Variants in CMIP observed in about 807,000 individuals in gnomAD.
CMIP encodes the protein C-Maf-inducing protein.
CMIP carries 13 observed loss-of-function variants against 97.3 expected under a neutral mutation model. The observed-to-expected ratio is 0.13, with a 90% CI of 0.09 to 0.21. The LOEUF (loss-of-function observed/expected upper bound fraction) is 0.21, where lower values mean the gene tolerates loss of function less well. CMIP is among the 10% of genes least tolerant of loss of function. The probability of loss-of-function intolerance (pLI) is 1.00; values close to 1 mark genes in which losing one functional copy is unlikely to be tolerated. For missense variants in CMIP, 847 were observed against 1,024.9 expected, an observed-to-expected ratio of 0.83 and a Z score of 2.37; for synonymous variants, 538 against 436.3, an observed-to-expected ratio of 1.23 and a Z score of -2.91.
intron 1 of CMIP, among the ~76,000 whole-genome samples, chr16:81,516,510 C>G (rs939461763): frequency 6.6e-6 from 1 of 152,212 alleles, no homozygotes; most frequent in Non-Finnish European, 1.5e-5. Flanking sequence ...TCTCCCTGGA[C>G]ACTCTCATGC....
rs931344943 is a variant in CMIP, at chr16:81,453,857, C to T, written c.300+8316C>T. On this transcript the variant is annotated intron_variant, in intron 1 of 20. Transcript: ENST00000537098. The surrounding 1 kb of genome is among the most constrained non-coding windows in gnomAD (Gnocchi z 4.0). The stretch of plus-strand genomic sequence containing the variant: ...CAGCCAAGCCGTTTGTAGATCTGGC[C>T]GCTTGGTTGGCTAGAACTCAGACAC... Among the ~76,000 whole-genome samples, 10 of 151,914 alleles carry T rather than the reference C, an allele frequency of 6.6e-5. No homozygotes were observed. Among genetic ancestry groups the T allele is most frequent in the African/African-American group, 1.2e-4 (5 of 41,302 alleles).
intron 1 of CMIP, among the ~76,000 whole-genome samples, chr16:81,553,715 C>G (rs1477849510): frequency 6.6e-6 from 1 of 152,266 alleles, no homozygotes; most frequent in East Asian, 1.9e-4. Flanking sequence ...TGTGTTTTCT[C>G]TTTCCCGTGC....
intron 11 of CMIP, among the ~76,000 whole-genome samples, chr16:81,692,595 A>ATTGCC (rs1906220998): frequency 6.6e-6 from 1 of 152,208 alleles, no homozygotes; most frequent in South Asian, 2.1e-4. Flanking sequence ...ACACGCAGTA[A>ATTGCC]TTGCCCCATG....
chr16:81,527,098 T>G (rs1170830783), intron 1 of CMIP, among the ~76,000 whole-genome samples: 1 of 152,136 alleles, frequency 6.6e-6, no homozygotes, highest in Non-Finnish European at 1.5e-5. Context: ...CTGAAAGGAA[T>G]GTGTTTTCTT....
At chr16:81,587,758 G>A (rs867629655) in intron 1 of CMIP, among the ~76,000 whole-genome samples, 2 of 152,232 alleles carry the variant, frequency 1.3e-5, no homozygotes, top group African/African-American at 2.4e-5. Context: ...TCAGGGAGCA[G>A]ATTTTTCATG....
At chr16:81,638,682 C>A (rs1166852366) in intron 3 of CMIP, among the ~76,000 whole-genome samples, 1 of 152,020 alleles carries the variant, frequency 6.6e-6, no homozygotes, top group African/African-American at 2.4e-5. Flanking sequence ...TTCCCTCTTT[C>A]TATAGCCTGT....
chr16:81,445,295 G>T lies in CMIP; in HGVS notation c.54G>T (p.Glu18Asp), dbSNP rs1280414005. The T allele has an allele frequency of 7.1e-6, 11 of 1,558,890 alleles. No individual in the cohort carries two copies. The South Asian group carries it at 1.3e-4, about 18-fold the overall frequency. Residue 18 changes from glutamate (E) to aspartate (D), a missense_variant, in exon 1 of 21, where the codon GAG becomes GAT. By Grantham distance (45) the Glu-to-Asp change is conservative. Transcript: ENST00000537098. ...GGGGDPRQIEETKPLLGGDVS... is the reference protein window; with the variant it reads ...GGGGDPRQIEDTKPLLGGDVS... ...GCGGCGACCCCCGGCAGATCGAGGA[G>T]ACCAAGCCGCTGCTGGGGGGCGACG... is the stretch of plus-strand genomic sequence containing the variant.
intron 1 of CMIP, among the ~76,000 whole-genome samples, chr16:81,559,447 A>G (rs2090833335): frequency 6.6e-6 from 1 of 152,236 alleles, no homozygotes; most frequent in Admixed American, 6.5e-5. Flanking sequence ...CTGTTTTCAT[A>G]TTCCTAAGTT....
rs1276857478 is a variant in CMIP, at chr16:81,537,862, C to T, written c.301-69705C>T. Among the ~76,000 whole-genome samples the T allele has an allele frequency of 4.0e-5, 6 of 151,086 alleles. 1 individual carries two copies. Among genetic ancestry groups the T allele is most frequent in the East Asian group, 2.0e-4 (1 of 4,960 alleles). On this transcript the variant is annotated intron_variant, in intron 1 of 20. Coordinates refer to ENST00000537098, the MANE Select transcript of CMIP (RefSeq NM_198390.3). ...AGATTGGGGTGGTGGGGGCTGCATG[C>T]GTGGGGTGCAGGGCAAGGGTCAGCT... is the stretch of plus-strand genomic sequence containing the variant.
intron 3 of CMIP, among the ~76,000 whole-genome samples, chr16:81,639,816 C>G (rs942576145): frequency 6.6e-5 from 10 of 152,154 alleles, no homozygotes. Context: ...AGGTTGGACT[C>G]CGTTATTGGA....
rs370420453 is a variant in CMIP at position 81,520,569 on chromosome 16, G to GGGGAGAGAGAGAGAGAGAGAGA, written c.300+75029_300+75030insGGAGAGAGAGAGAGAGAGAGAG. 99 of 106,966 alleles carry GGGGAGAGAGAGAGAGAGAGAGA rather than the reference G, an allele frequency of 9.3e-4. 1 individual carries two copies. Among genetic ancestry groups the GGGGAGAGAGAGAGAGAGAGAGA allele is most frequent in the African/African-American group, 2.9e-3 (67 of 22,958 alleles). 6.6% of individuals were successfully genotyped at this position (106,966 alleles called of 1,614,324 possible). A position where few individuals can be genotyped will look rare whatever the true frequency, so the allele number is the denominator to read the frequency against. ...GAGAGAGGGAGGGAGGGAGGAAGGG[G>GGGGAGAGAGAGAGAGAGAGAGA]GAGAGAGAGAGAGAGAGAGAGAGAG... is the stretch of plus-strand genomic sequence containing the variant. On this transcript the variant is annotated intron_variant, in intron 1 of 20. Transcript: ENST00000537098.
intron 9 of CMIP, among the ~76,000 whole-genome samples, chr16:81,675,419 A>C (rs1487640646): frequency 2.2e-5 from 3 of 136,096 alleles, no homozygotes; most frequent in East Asian, 2.1e-4. Flanking sequence ...GGGTTTCGCC[A>C]TGTTGGCCAG....
At chr16:81,531,764 C>A (rs1164690771) in intron 1 of CMIP, among the ~76,000 whole-genome samples, 1 of 152,218 alleles carries the variant, frequency 6.6e-6, no homozygotes, top group Non-Finnish European at 1.5e-5. Flanking sequence ...TTTTCCCAGA[C>A]TGGCTGATTC....
intron 1 of CMIP, among the ~76,000 whole-genome samples, chr16:81,456,905 C>T (rs907816737): frequency 3.9e-5 from 6 of 152,220 alleles, no homozygotes; most frequent in African/African-American, 1.4e-4. Context: ...CAGCTTCCTG[C>T]AGACCCATCT....
chr16:81,546,665 G>A (rs1027887698), intron 1 of CMIP, among the ~76,000 whole-genome samples: 3 of 152,166 alleles, frequency 2.0e-5, no homozygotes, highest in African/African-American at 7.2e-5. Context: ...GATGATTATC[G>A]TGCGGGGTGA....
intron 1 of CMIP, among the ~76,000 whole-genome samples, chr16:81,569,437 C>T (rs528958343): frequency 6.6e-6 from 1 of 152,344 alleles, no homozygotes; most frequent in East Asian, 1.9e-4. Flanking sequence ...TGTTTGGTCC[C>T]TGGCTCTCCC....
chr16:81,669,862 CT>C (rs2092664913), intron 7 of CMIP, among the ~76,000 whole-genome samples: 1 of 152,232 alleles, frequency 6.6e-6, no homozygotes, highest in Non-Finnish European at 1.5e-5. Context: ...TCTTTCTCGT[CT>C]CATTTGTCTC....
intron 19 of CMIP, 32 bp from the exon 20 acceptor site, chr16:81,706,982 T>A: frequency 6.2e-7 from 1 of 1,603,142 alleles, no homozygotes; most frequent in Non-Finnish European, 8.5e-7. Flanking sequence ...GGGGCCTCGC[T>A]CTCCTAACAA....
intron 1 of CMIP, among the ~76,000 whole-genome samples, chr16:81,585,625 C>G (rs752246426): frequency 7.9e-5 from 12 of 152,158 alleles, no homozygotes; most frequent in Non-Finnish European, 1.8e-4. Flanking sequence ...AAGGTTCATC[C>G]ATGTCGTAGC....
Sources: gnomAD v4.1 joint callset for allele counts (sites outside exome capture counted in the v4.1 genomes callset) on GRCh38, gnomAD v4.1.1 for gene constraint, Gnocchi (gnomAD v3.1) non-coding constraint, MANE v1.5 for transcripts, NCBI Gene and HGNC (gene_info 2026-07-23, HGNC 2026-07-21) for gene names.